Variants in OCA2 observed in about 807,000 individuals in gnomAD.
OCA2 encodes the protein OCA2 melanosomal transmembrane protein, also known as P protein.
A neutral mutation model predicts 100.2 loss-of-function variants in OCA2; 77 were observed. That is an observed-to-expected ratio of 0.77 (90% CI 0.64 to 0.93). OCA2 has a LOEUF of 0.93. Among genes scored for constraint, OCA2 ranks in the 40% least tolerant of loss-of-function variants. The pLI, the probability that OCA2 is intolerant of heterozygous loss-of-function variation, is 0.00. For synonymous variants in OCA2, 432 were observed against 439.2 expected (o/e 0.98, Z 0.21); for missense variants, 1,062 against 1,089.1 (o/e 0.98, Z 0.35).
chr15:27,735,992 C>A, the OCA2 span, among the ~76,000 whole-genome samples: 1 of 152,068 alleles, frequency 6.6e-6, no homozygotes, highest in Non-Finnish European at 1.5e-5. Flanking sequence ...GTGTTCTCAC[C>A]ACATAAATGA....
chr15:28,003,661 G>A (rs905152887), intron 9 of OCA2, among the ~76,000 whole-genome samples: 2 of 150,106 alleles, frequency 1.3e-5, no homozygotes, highest in African/African-American at 2.5e-5. Flanking sequence ...TGTGCCCCCC[G>A]AACGCTGAGC....
intron 2 of OCA2, among the ~76,000 whole-genome samples, chr15:28,063,533 G>T (rs1191706409): frequency 6.6e-6 from 1 of 151,808 alleles, no homozygotes; most frequent in Non-Finnish European, 1.5e-5. Flanking sequence ...ATTTGCTAGT[G>T]TATCATTTTG....
chr15:27,731,779 T>G, the OCA2 span, among the ~76,000 whole-genome samples: 1 of 152,230 alleles, frequency 6.6e-6, no homozygotes, highest in African/African-American at 2.4e-5. Flanking sequence ...AGGAATCTCC[T>G]TTAAATAGAT....
intron 11 of OCA2, among the ~76,000 whole-genome samples, chr15:27,987,673 G>T (rs940158045): frequency 6.6e-6 from 1 of 151,990 alleles, no homozygotes; most frequent in Non-Finnish European, 1.5e-5. Context: ...AGCTTGCAGT[G>T]AGCCAAGATC....
At chr15:28,065,062 G>C (rs2043984801) in intron 2 of OCA2, among the ~76,000 whole-genome samples, 1 of 151,954 alleles carries the variant, frequency 6.6e-6, no homozygotes, top group African/African-American at 2.4e-5. Context: ...TCAATACCAG[G>C]AGATTTTACA....
At chr15:28,025,230 A>T (rs993038734) in intron 4 of OCA2, among the ~76,000 whole-genome samples, 5 of 152,202 alleles carry the variant, frequency 3.3e-5, no homozygotes, top group African/African-American at 1.2e-4. Flanking sequence ...AGTAAACTGA[A>T]TGCCTTATCT....
intron 2 of OCA2, among the ~76,000 whole-genome samples, chr15:28,070,597 G>A (rs2044225146): frequency 6.8e-6 from 1 of 147,166 alleles, no homozygotes; most frequent in African/African-American, 2.5e-5. Flanking sequence ...GGGCGCCTCT[G>A]CCCGGCCGCC....
intron 19 of OCA2, among the ~76,000 whole-genome samples, chr15:27,892,435 T>C (rs1369755457): frequency 6.6e-6 from 1 of 152,130 alleles, no homozygotes; most frequent in Non-Finnish European, 1.5e-5. Flanking sequence ...TGCATGGAAA[T>C]TAACCAACAT....
At chr15:28,012,216 T>A (rs2042263415) in intron 9 of OCA2, among the ~76,000 whole-genome samples, 1 of 152,018 alleles carries the variant, frequency 6.6e-6, no homozygotes, top group African/African-American at 2.4e-5. Context: ...TTAGAGAAAT[T>A]AAGTTGAAAG....
At chr15:28,048,610 T>G (rs1442074320) in intron 2 of OCA2, among the ~76,000 whole-genome samples, 1 of 152,144 alleles carries the variant, frequency 6.6e-6, no homozygotes, top group Non-Finnish European at 1.5e-5. Flanking sequence ...GACCTTGGAT[T>G]TGGCAATGGA....
intron 21 of OCA2, among the ~76,000 whole-genome samples, chr15:27,862,161 G>A (rs2036157190): frequency 6.6e-6 from 1 of 151,234 alleles, no homozygotes; most frequent in African/African-American, 2.5e-5. Context: ...AGAAAGCGCG[G>A]TCGTCAGCCT....
chr15:27,731,171 C>T, the OCA2 span, among the ~76,000 whole-genome samples: 1 of 152,134 alleles, frequency 6.6e-6, no homozygotes, highest in Non-Finnish European at 1.5e-5. Flanking sequence ...CACTTTCATT[C>T]AATTTTGCAC....
At chr15:27,923,022 T>G (rs1057490754) in intron 19 of OCA2, among the ~76,000 whole-genome samples, 1 of 152,142 alleles carries the variant, frequency 6.6e-6, no homozygotes, top group Admixed American at 6.5e-5. Context: ...TGTCCATGTG[T>G]TCTCATCATT....
the OCA2 span, among the ~76,000 whole-genome samples, chr15:27,735,821 G>A: frequency 6.6e-6 from 1 of 151,964 alleles, no homozygotes; most frequent in African/African-American, 2.4e-5. Flanking sequence ...TAGAGGTGAG[G>A]TGAGATACTT....
intron 14 of OCA2, 49 bp downstream of exon 14, chr15:27,983,296 A>C (rs773316609): frequency 6.2e-7 from 1 of 1,611,928 alleles, no homozygotes; most frequent in Non-Finnish European, 8.5e-7. Flanking sequence ...GCTCTAACTA[A>C]GTGGAGGTGT....
At chr15:27,794,970 TAA>T (rs2033263962) in intron 23 of OCA2, among the ~76,000 whole-genome samples, 1 of 152,192 alleles carries the variant, frequency 6.6e-6, no homozygotes, top group Admixed American at 6.5e-5. Flanking sequence ...ATGTCAGATT[TAA>T]AAAGACAGCA....
chr15:27,832,129 C>A (rs1450048325), intron 23 of OCA2, among the ~76,000 whole-genome samples: 2 of 152,212 alleles, frequency 1.3e-5, no homozygotes, highest in East Asian at 3.9e-4. Context: ...CCAAACTCTG[C>A]ATTTCTCCTC....
Position 27,983,553 on chromosome 15 carries a change from A to G in OCA2, c.1365-70T>C, listed in dbSNP as rs539294168. The G allele has an allele frequency of 4.5e-6, 7 of 1,559,440 alleles. No individual in the cohort carries two copies. The African/African-American group carries it at 9.4e-5, about 21-fold the overall frequency. ...CGTGAAAGGCCCACATGCAACCCAG[A>G]GATTTTTAAGGCGCTTGCTCGTATA... On this transcript the variant is annotated intron_variant, in intron 13 of 23. Coordinates refer to ENST00000354638, the MANE Select transcript of OCA2 (RefSeq NM_000275.3).
intron 19 of OCA2, among the ~76,000 whole-genome samples, chr15:27,879,472 A>G (rs2036926068): frequency 6.6e-6 from 1 of 152,122 alleles, no homozygotes; most frequent in Admixed American, 6.5e-5. Flanking sequence ...ATTTACACCA[A>G]CAGTGTAAAA....
Sources: gnomAD v4.1 joint callset for allele counts (sites outside exome capture counted in the v4.1 genomes callset) on GRCh38, gnomAD v4.1.1 for gene constraint, MANE v1.5 for transcripts, NCBI Gene and HGNC (gene_info 2026-07-23, HGNC 2026-07-21) for gene names.